Variants in ITGA4 observed in about 807,000 individuals in gnomAD.
The protein encoded by ITGA4 is integrin alpha-4.
A neutral mutation model predicts 133.6 loss-of-function variants in ITGA4; 63 were observed. The observed-to-expected ratio is 0.47, with a 90% CI of 0.38 to 0.58. The LOEUF is 0.58. Ranked by LOEUF, ITGA4 falls within the 20% of genes least tolerant of loss-of-function variation. The probability of loss-of-function intolerance (pLI) is 0.00; values close to 1 mark genes in which losing one functional copy is unlikely to be tolerated. For missense variants in ITGA4, 1,076 were observed against 1,252.7 expected, an observed-to-expected ratio of 0.86 and a Z score of 2.13; for synonymous variants, 483 against 438.0, an observed-to-expected ratio of 1.10 and a Z score of -1.28.
chr2:181,514,958 G>T (rs1187549009), intron 17 of ITGA4, among the ~76,000 whole-genome samples: 1 of 152,042 alleles, frequency 6.6e-6, no homozygotes. Flanking sequence ...ATGGCATAAT[G>T]ATTTTAAATG....
At chr2:181,493,927 C>T (rs1312415790) in intron 11 of ITGA4, among the ~76,000 whole-genome samples, 2 of 44,298 alleles carry the variant, frequency 4.5e-5, no homozygotes, top group Non-Finnish European at 1.3e-4. Context: ...CATTTCAGTG[C>T]CTAGAAAAAA....
chr2:181,512,360 G>T (rs542938532), intron 17 of ITGA4, among the ~76,000 whole-genome samples: 1 of 152,008 alleles, frequency 6.6e-6, no homozygotes. Context: ...TTAATCTGGG[G>T]CATGTTGAAT....
At chr2:181,511,883 A>G (rs1686513328) in intron 17 of ITGA4, 108 bp downstream of exon 17, 1 of 612,350 alleles carries the variant, frequency 1.6e-6, no homozygotes, top group African/African-American at 1.9e-5. Flanking sequence ...TTGAAAATTA[A>G]CAGCGTTTAA....
chr2:181,532,913 C>T (rs1452800000), intron 25 of ITGA4, among the ~76,000 whole-genome samples: 1 of 152,164 alleles, frequency 6.6e-6, no homozygotes, highest in Non-Finnish European at 1.5e-5. Flanking sequence ...TATGTTCCAT[C>T]AACACCTAGT....
intron 2 of ITGA4, among the ~76,000 whole-genome samples, chr2:181,463,149 T>TATA (rs1449076051): frequency 6.6e-6 from 1 of 152,168 alleles, no homozygotes; most frequent in Non-Finnish European, 1.5e-5. Flanking sequence ...GCAAACTGTG[T>TATA]GTATAAAGAC....
Position 181,480,205 on chromosome 2 carries a change from T to C in ITGA4, c.693T>C (p.Thr231=). ...WTGSLFVYNI[T]TNKYKAFLDK... is the part of the protein sequence containing the mutation. The stretch of plus-strand genomic sequence containing the variant: ...GCTCTCTTTTTGTCTACAATATAAC[T>C]ACAAATAAATACAAGGCTTTTTTAG... Residue 231 remains threonine, a synonymous_variant, in exon 6 of 28, where the codon ACT becomes ACC. Transcript: ENST00000397033. The C allele has an allele frequency of 6.5e-7, 1 of 1,532,032 alleles. No homozygotes were observed. Among genetic ancestry groups the C allele is most frequent in the African/African-American group, 1.4e-5 (1 of 71,304 alleles). The allele number at this position is 1,532,032 out of a possible 1,614,324, so 94.9% of individuals were successfully genotyped here.
At chr2:181,463,821 C>T (rs909920623) in intron 2 of ITGA4, among the ~76,000 whole-genome samples, 3 of 152,116 alleles carry the variant, frequency 2.0e-5, no homozygotes, top group Non-Finnish European at 4.4e-5. Context: ...ACCTCCAAGG[C>T]TTTGATTACC....
intron 25 of ITGA4, 150 bp from the exon 26 acceptor site, chr2:181,534,122 A>G: frequency 1.7e-6 from 1 of 579,084 alleles, no homozygotes; most frequent in Non-Finnish European, 3.1e-6. Context: ...ACACTTTGGG[A>G]ACCAAAGGAG....
In ITGA4 at chr2:181,523,855, C is replaced by T. The variant is rs1686778796; in HGVS notation, c.2170-316C>T. On this transcript the variant is annotated intron_variant, in intron 19 of 27. Transcript: ENST00000397033. The surrounding 1 kb of genome is among the most constrained non-coding windows in gnomAD (Gnocchi z 4.2). ...CTGTCTGCCAGGCATGTTACCTCTGCTATACAAAAAGGTGTTTTTGGCAAG... is the reference window on the plus strand; with the variant it reads ...CTGTCTGCCAGGCATGTTACCTCTGTTATACAAAAAGGTGTTTTTGGCAAG... Among the ~76,000 whole-genome samples, 2 of 152,124 alleles carry T rather than the reference C, an allele frequency of 1.3e-5. No homozygotes were observed. Among genetic ancestry groups the T allele is most frequent in the Admixed American group, 1.3e-4 (2 of 15,260 alleles).
At chr2:181,500,826 A>C (rs1686252363) in intron 15 of ITGA4, among the ~76,000 whole-genome samples, 1 of 152,148 alleles carries the variant, frequency 6.6e-6, no homozygotes, top group Non-Finnish European at 1.5e-5. Context: ...TAAGACATAA[A>C]AACATCACTA....
chr2:181,474,206 A>G (rs942502939), intron 2 of ITGA4, among the ~76,000 whole-genome samples: 1 of 152,256 alleles, frequency 6.6e-6, no homozygotes, highest in Non-Finnish European at 1.5e-5. Flanking sequence ...TTTTTCTAAC[A>G]AAAGAAAATA....
rs1229630885 is a variant in ITGA4, at chr2:181,536,201, A to ATAAT, written c.*677_*680dup. On this transcript the variant is annotated 3_prime_UTR_variant, in exon 28 of 28. Transcript: ENST00000397033. ...ATTACTTCTGGATAATTATTTTTTT[A>ATAAT]TAATTATGGATTTCACCATCTTTCT... 1 of 151,918 alleles carries ATAAT rather than the reference A, an allele frequency of 6.6e-6. No individual in the cohort carries two copies. Among genetic ancestry groups the ATAAT allele is most frequent in the African/African-American group, 2.4e-5 (1 of 41,414 alleles). 9.4% of individuals were successfully genotyped at this position (151,918 alleles called of 1,614,324 possible). A position where few individuals can be genotyped will look rare whatever the true frequency, so the allele number is the denominator to read the frequency against.
intron 25 of ITGA4, among the ~76,000 whole-genome samples, chr2:181,533,808 T>A (rs1023293096): frequency 2.6e-5 from 4 of 152,166 alleles, no homozygotes; most frequent in Non-Finnish European, 4.4e-5. Flanking sequence ...TTCTTAGAAT[T>A]TATAAAGCCC....
At chr2:181,534,210 C>T in intron 25 of ITGA4, 62 bp from the exon 26 acceptor site, 4 of 1,006,782 alleles carry the variant, frequency 4.0e-6, no homozygotes, top group Non-Finnish European at 3.1e-6. Context: ...AGGTAAAGAT[C>T]CTGATAAATT....
rs1214293975 is a variant in ITGA4, at chr2:181,457,518, T to A, written c.-137T>A. On this transcript the variant is annotated 5_prime_UTR_variant, in exon 1 of 28. Transcript: ENST00000397033. ...CCGACTTCCCCTCCTCTTCCCTCTC[T>A]CCTTCCTTTAGCCCGCTGGCGCCGG... The A allele has an allele frequency of 1.2e-6, 1 of 811,614 alleles. No individual in the cohort carries two copies. Among genetic ancestry groups the A allele is most frequent in the African/African-American group, 1.8e-5 (1 of 56,138 alleles). The allele number at this position is 811,614 out of a possible 1,614,324, so 50.3% of individuals were successfully genotyped here.
At chr2:181,526,338 A>G (rs943203533) in intron 21 of ITGA4, among the ~76,000 whole-genome samples, 1 of 152,192 alleles carries the variant, frequency 6.6e-6, no homozygotes, top group Non-Finnish European at 1.5e-5. Flanking sequence ...GCCTAAATCT[A>G]TGCTGGTTAC....
chr2:181,533,578 T>G (rs1052891867), intron 25 of ITGA4, among the ~76,000 whole-genome samples: 4 of 152,194 alleles, frequency 2.6e-5, no homozygotes, highest in African/African-American at 9.7e-5. Context: ...TTCTGACACT[T>G]GACAGTTTCT....
In ITGA4 at chr2:181,525,265, A is replaced by AC; in HGVS notation, c.2313_2314insC (p.Tyr772LeufsTer2). Reference sequence around the variant, plus strand: ...GAGTGACTGTAGCAATACCTTTAAAATATGAGGTTAAGCTGACTGTTCATG... The same window carrying AC: ...GAGTGACTGTAGCAATACCTTTAAAACTATGAGGTTAAGCTGACTGTTCATG... On this transcript the variant is annotated frameshift_variant, in exon 21 of 28. Transcript: ENST00000397033. LOFTEE classifies it high-confidence loss of function. 6.2e-7 allele frequency: 1 copy of AC among 1,601,574 alleles called. No homozygotes were observed. The highest frequency in any genetic ancestry group is 8.6e-7 in the Non-Finnish European group (1 of 1,169,094).
In ITGA4 at chr2:181,527,495, C is replaced by A. The variant is rs1403606503; in HGVS notation, c.2430+108C>A. ...TATGACGTCCTTCAGCCTCTGCAGA[C>A]CACAGCTGGCTGGAATGGGGCAGCA... On this transcript the variant is annotated intron_variant, in intron 22 of 27. Transcript: ENST00000397033. 2.1e-5 allele frequency: 15 copies of A among 715,826 alleles called. No homozygotes were observed. In the East Asian group the frequency reaches 4.1e-4, roughly 19 times the overall value. The allele number at this position is 715,826 out of a possible 1,614,324, so 44.3% of individuals were successfully genotyped here. A position where few individuals can be genotyped will look rare whatever the true frequency, so the allele number is the denominator to read the frequency against.
Sources: allele counts gnomAD v4.1 joint callset (sites outside exome capture counted in the v4.1 genomes callset), GRCh38; gene constraint gnomAD v4.1.1; non-coding constraint Gnocchi (gnomAD v3.1); transcripts MANE v1.5; gene names NCBI Gene and HGNC (gene_info 2026-07-23, HGNC 2026-07-21).